ATP8A2: variants seen among roughly 807,000 people sequenced by gnomAD.
The protein encoded by ATP8A2 is phospholipid-transporting ATPase IB.
ATP8A2 carries 100 observed loss-of-function variants against 165.6 expected under a neutral mutation model. That is an observed-to-expected ratio of 0.60 (90% CI 0.51 to 0.71). ATP8A2 has a LOEUF of 0.71. Ranked by LOEUF, ATP8A2 falls within the 30% of genes least tolerant of loss-of-function variation. The pLI, the probability that ATP8A2 is intolerant of heterozygous loss-of-function variation, is 0.00. For synonymous variants in ATP8A2, 543 were observed against 548.8 expected (o/e 0.99, Z 0.15); for missense variants, 1,227 against 1,479.5 (o/e 0.83, Z 2.80).
chr13:25,598,142 T>C (rs1435915204), intron 24 of ATP8A2, among the ~76,000 whole-genome samples: 2 of 152,200 alleles, frequency 1.3e-5, no homozygotes, highest in African/African-American at 4.8e-5. Flanking sequence ...ACTTCATCAT[T>C]GAAATACCTG....
intron 24 of ATP8A2, among the ~76,000 whole-genome samples, chr13:25,687,756 TA>T (rs149407896): frequency 0.016 from 2,373 of 152,314 alleles, 62 homozygotes; most frequent in African/African-American, 0.053. Flanking sequence ...TTCTTTTTAG[TA>T]AATACACTTC....
intron 33 of ATP8A2, among the ~76,000 whole-genome samples, chr13:25,928,481 A>G (rs1358793504): frequency 1.3e-5 from 2 of 152,210 alleles, no homozygotes; most frequent in African/African-American, 2.4e-5. Flanking sequence ...AAGAATTCCT[A>G]TGGAATATCA....
chr13:25,695,980 A>G (rs2042826521), intron 24 of ATP8A2, among the ~76,000 whole-genome samples: 1 of 152,192 alleles, frequency 6.6e-6, no homozygotes, highest in South Asian at 2.1e-4. Flanking sequence ...ATTGCTGTCT[A>G]TGGTAGTATG....
At chr13:25,962,498 G>A (rs1224065303) in intron 34 of ATP8A2, among the ~76,000 whole-genome samples, 2 of 152,150 alleles carry the variant, frequency 1.3e-5, no homozygotes, top group Non-Finnish European at 2.9e-5. Flanking sequence ...TATAAAAGAA[G>A]CGACTAAGTT....
At chr13:25,949,337 C>T (rs1443724564) in intron 33 of ATP8A2, among the ~76,000 whole-genome samples, 1 of 152,162 alleles carries the variant, frequency 6.6e-6, no homozygotes, top group African/African-American at 2.4e-5. Flanking sequence ...GTGAGGTGGC[C>T]GTCCACCCTA....
At chr13:25,752,137 A>G (rs530721679) in intron 25 of ATP8A2, among the ~76,000 whole-genome samples, 112 of 152,106 alleles carry the variant, frequency 7.4e-4, no homozygotes, top group Non-Finnish European at 1.5e-3. Context: ...TAACTTCTGA[A>G]TAGGCAGCTT....
intron 33 of ATP8A2, among the ~76,000 whole-genome samples, chr13:25,867,595 C>T (rs2138789501): frequency 6.6e-6 from 1 of 152,256 alleles, no homozygotes; most frequent in East Asian, 1.9e-4. Context: ...CCTAAGGGTG[C>T]CTAGTGTGTA....
chr13:25,516,257 A>T (rs908178974), intron 2 of ATP8A2, among the ~76,000 whole-genome samples: 7 of 152,106 alleles, frequency 4.6e-5, no homozygotes, highest in African/African-American at 1.7e-4. Context: ...CTGACAAGGT[A>T]TGTCCTCCCC....
chr13:25,955,347 T>C (rs545074427), intron 33 of ATP8A2, among the ~76,000 whole-genome samples: 1 of 152,094 alleles, frequency 6.6e-6, no homozygotes, highest in East Asian at 1.9e-4. Context: ...GCTGGTTTTT[T>C]GAAAAGATAA....
chr13:25,527,475 T>C (rs546488591), intron 2 of ATP8A2, among the ~76,000 whole-genome samples: 12 of 152,320 alleles, frequency 7.9e-5, no homozygotes, highest in African/African-American at 2.9e-4. Context: ...GTGCTGCCTT[T>C]AGCTGTTTGT....
intron 24 of ATP8A2, among the ~76,000 whole-genome samples, chr13:25,629,609 G>C (rs1490421897): frequency 1.3e-5 from 2 of 152,092 alleles, no homozygotes; most frequent in Non-Finnish European, 2.9e-5. Context: ...GTAGCAGTTT[G>C]CTGTAGCTTT....
intron 4 of ATP8A2, among the ~76,000 whole-genome samples, chr13:25,531,137 G>GTGTATATATATGT (rs141543699): frequency 0.028 from 3,748 of 135,770 alleles, 225 homozygotes; most frequent in African/African-American, 0.099. Flanking sequence ...GTGTGTGTGT[G>GTGTATATATATGT]TATATATATG....
chr13:25,792,763 G>GA (rs2045210659), intron 27 of ATP8A2, among the ~76,000 whole-genome samples: 1 of 151,076 alleles, frequency 6.6e-6, no homozygotes, highest in African/African-American at 2.4e-5. Flanking sequence ...CTAAAAGAAA[G>GA]AAAAAAAATA....
chr13:25,581,673 C>A, intron 22 of ATP8A2, 146 bp from the exon 23 acceptor site: 1 of 792,348 alleles, frequency 1.3e-6, no homozygotes, highest in Non-Finnish European at 2.1e-6. Flanking sequence ...GCCATCCATC[C>A]AGATGCCATC....
intron 24 of ATP8A2, among the ~76,000 whole-genome samples, chr13:25,625,045 A>G (rs2041067291): frequency 6.6e-6 from 1 of 152,190 alleles, no homozygotes; most frequent in African/African-American, 2.4e-5. Context: ...AATTTTATCT[A>G]GTCACATTTT....
chr13:25,456,237 C>T (rs961887955), intron 1 of ATP8A2, among the ~76,000 whole-genome samples: 3 of 152,230 alleles, frequency 2.0e-5, no homozygotes, highest in Non-Finnish European at 4.4e-5. Flanking sequence ...GCTGGAAGTA[C>T]TCGTCTTTCT....
chr13:25,478,464 T>A (rs776025474), intron 2 of ATP8A2, among the ~76,000 whole-genome samples: 1 of 152,096 alleles, frequency 6.6e-6, no homozygotes, highest in South Asian at 2.1e-4. Context: ...GGTCTGACCA[T>A]TGTGGGGATG....
At chr13:25,828,234 G>A (rs1411226986) in intron 28 of ATP8A2, 42 bp downstream of exon 28, 1 of 1,438,966 alleles carries the variant, frequency 6.9e-7, no homozygotes, top group Admixed American at 1.7e-5. Flanking sequence ...GCAGAACTTA[G>A]AACTTCAGTG....
At chr13:25,726,727 T>G (rs930520623) in intron 25 of ATP8A2, among the ~76,000 whole-genome samples, 1 of 152,118 alleles carries the variant, frequency 6.6e-6, no homozygotes, top group Non-Finnish European at 1.5e-5. Context: ...AAAGTAACAT[T>G]TATAGGTTTC....
Sources: allele counts gnomAD v4.1 joint callset (sites outside exome capture counted in the v4.1 genomes callset), GRCh38; gene constraint gnomAD v4.1.1; transcripts MANE v1.5; gene names NCBI Gene and HGNC (gene_info 2026-07-23, HGNC 2026-07-21).